PTPRD: variants seen among roughly 807,000 people sequenced by gnomAD.
PTPRD encodes protein tyrosine phosphatase receptor type D, also known as receptor-type tyrosine-protein phosphatase delta.
In PTPRD, 34 loss-of-function variants were observed where a neutral mutation model predicts 214.5. That is an observed-to-expected ratio of 0.16 (90% CI 0.12 to 0.21). The LOEUF (loss-of-function observed/expected upper bound fraction) is 0.21, where lower values mean the gene tolerates loss of function less well. Ranked by LOEUF, PTPRD falls within the 10% of genes least tolerant of loss-of-function variation. PTPRD has a pLI of 1.00. For missense variants in PTPRD, 2,545 were observed against 2,398.7 expected (o/e 1.06, Z -1.27); for synonymous variants, 1,128 against 845.7 (o/e 1.33, Z -5.79).
At chr9:10,108,572 A>C (rs1591389134) in intron 3 of PTPRD, among the ~76,000 whole-genome samples, 1 of 136,600 alleles carries the variant, frequency 7.3e-6, no homozygotes, top group South Asian at 2.3e-4. Context: ...TCAAAAAATC[A>C]AAAAATCCAA....
chr9:10,114,073 G>T (rs1024746838), intron 3 of PTPRD, among the ~76,000 whole-genome samples: 1 of 152,148 alleles, frequency 6.6e-6, no homozygotes, highest in African/African-American at 2.4e-5. Flanking sequence ...GATGCAGATG[G>T]TTCTCAGTCC....
At chr9:8,688,294 T>C (rs1156389348) in intron 12 of PTPRD, among the ~76,000 whole-genome samples, 7 of 152,046 alleles carry the variant, frequency 4.6e-5, no homozygotes, top group Non-Finnish European at 8.8e-5. Flanking sequence ...TAGCCAGGCG[T>C]GGTGGCTGAC....
intron 8 of PTPRD, among the ~76,000 whole-genome samples, chr9:9,469,386 A>G (rs1157142472): frequency 6.6e-6 from 1 of 152,166 alleles, no homozygotes; most frequent in African/African-American, 2.4e-5. Context: ...TGTTCCCCAG[A>G]GAACAGCCTT....
intron 11 of PTPRD, among the ~76,000 whole-genome samples, chr9:8,958,079 CTTTAT>C (rs904522640): frequency 6.6e-6 from 1 of 151,828 alleles, no homozygotes; most frequent in African/African-American, 2.4e-5. Flanking sequence ...CTTCAATAAT[CTTTAT>C]TTTAATTCCA....
rs536783041 is a variant in PTPRD, at chr9:9,235,396, T to C, written c.-202-52033A>G. On this transcript the variant is annotated intron_variant, in intron 9 of 45. Coordinates refer to ENST00000381196, the MANE Select transcript of PTPRD (RefSeq NM_002839.4). ...CCACTGATGGGGGCTTTCTGGATTATTACCCTTTGTCCAATTGCACTCCTA... is the reference window on the plus strand; with the variant it reads ...CCACTGATGGGGGCTTTCTGGATTACTACCCTTTGTCCAATTGCACTCCTA... 2.6e-5 allele frequency among the ~76,000 whole-genome samples: 4 copies of C among 152,298 alleles called. No individual in the cohort carries two copies. The South Asian group carries it at 8.3e-4, about 32-fold the overall frequency.
chr9:10,286,979 G>A (rs1011204888), intron 3 of PTPRD, among the ~76,000 whole-genome samples: 3 of 152,104 alleles, frequency 2.0e-5, no homozygotes, highest in African/African-American at 7.2e-5. Context: ...TAGAATGTAA[G>A]GTTAGCGAAC....
chr9:8,584,756 T>A (rs1325725865), intron 14 of PTPRD, among the ~76,000 whole-genome samples: 1 of 152,164 alleles, frequency 6.6e-6, no homozygotes, highest in Non-Finnish European at 1.5e-5. Flanking sequence ...AATGGAGACA[T>A]ACCTGAGAAT....
At chr9:10,208,836 G>A (rs923674370) in intron 3 of PTPRD, among the ~76,000 whole-genome samples, 12 of 152,164 alleles carry the variant, frequency 7.9e-5, no homozygotes, top group African/African-American at 2.7e-4. Context: ...AGTGTGGGCA[G>A]GTAGATGACA....
intron 8 of PTPRD, among the ~76,000 whole-genome samples, chr9:9,479,645 G>A (rs1248382090): frequency 6.6e-6 from 1 of 151,948 alleles, no homozygotes; most frequent in Non-Finnish European, 1.5e-5. Context: ...CCAAATAACA[G>A]AAATTATTTG....
intron 12 of PTPRD, among the ~76,000 whole-genome samples, chr9:8,727,248 TA>T (rs994396710): frequency 1.3e-5 from 2 of 152,166 alleles, no homozygotes; most frequent in East Asian, 1.9e-4. Flanking sequence ...CTATACTCAA[TA>T]AAAAATGCTT....
chr9:8,445,919 T>C (rs1466115301), intron 34 of PTPRD, among the ~76,000 whole-genome samples: 1 of 152,166 alleles, frequency 6.6e-6, no homozygotes, highest in Non-Finnish European at 1.5e-5. Flanking sequence ...GCACCATCAG[T>C]GACTTCAGAA....
At chr9:9,534,275 T>C (rs2076080833) in intron 8 of PTPRD, among the ~76,000 whole-genome samples, 1 of 152,114 alleles carries the variant, frequency 6.6e-6, no homozygotes, top group African/African-American at 2.4e-5. Flanking sequence ...AAGAGTATTA[T>C]TTATACAATA....
At chr9:9,782,282 C>G (rs899527253) in intron 5 of PTPRD, among the ~76,000 whole-genome samples, 12 of 152,064 alleles carry the variant, frequency 7.9e-5, no homozygotes, top group African/African-American at 2.4e-4. Flanking sequence ...TTACAGGTAC[C>G]TCTAAGTCCT....
chr9:8,934,019 A>G (rs1365147842), intron 11 of PTPRD, among the ~76,000 whole-genome samples: 3 of 152,032 alleles, frequency 2.0e-5, no homozygotes, highest in Admixed American at 2.0e-4. Context: ...AAAACTTCAG[A>G]TGCTTAAGGA....
intron 11 of PTPRD, among the ~76,000 whole-genome samples, chr9:8,907,633 T>C (rs2098718301): frequency 6.6e-6 from 1 of 150,530 alleles, no homozygotes; most frequent in Non-Finnish European, 1.5e-5. Flanking sequence ...TAGATGGAAA[T>C]TTTTGTGTTT....
At chr9:8,890,697 T>C (rs2098531529) in intron 11 of PTPRD, among the ~76,000 whole-genome samples, 1 of 152,338 alleles carries the variant, frequency 6.6e-6, no homozygotes, top group African/African-American at 2.4e-5. Context: ...TTCTCTCCTT[T>C]GAGAGAGTCT....
chr9:8,434,099 C>T (rs537190178), intron 35 of PTPRD, among the ~76,000 whole-genome samples: 2 of 152,182 alleles, frequency 1.3e-5, no homozygotes, highest in Non-Finnish European at 2.9e-5. Context: ...TTTCCTGCCT[C>T]AGCCTCCCAA....
intron 10 of PTPRD, among the ~76,000 whole-genome samples, chr9:9,166,418 C>T (rs912781605): frequency 1.2e-4 from 18 of 152,052 alleles, no homozygotes; most frequent in African/African-American, 4.3e-4. Context: ...TAGCATTTGG[C>T]CTCTACTTTC....
intron 8 of PTPRD, among the ~76,000 whole-genome samples, chr9:9,529,216 G>A (rs1247450195): frequency 6.7e-6 from 1 of 150,218 alleles, no homozygotes; most frequent in Admixed American, 6.6e-5. Flanking sequence ...ACAGGCGTGA[G>A]CCACCACGCC....
Sources: allele counts gnomAD v4.1 joint callset (sites outside exome capture counted in the v4.1 genomes callset), GRCh38; gene constraint gnomAD v4.1.1; transcripts MANE v1.5; gene names NCBI Gene and HGNC (gene_info 2026-07-23, HGNC 2026-07-21).